The following ADGRA3 variants were observed in gnomAD, a reference collection of about 807,000 sequenced individuals.
ADGRA3 encodes G-protein coupled receptor 125.
Under a neutral mutation model 119.8 loss-of-function variants are expected in ADGRA3, and 56 were observed. That is an observed-to-expected ratio of 0.47 (90% CI 0.38 to 0.58). The LOEUF is 0.58. Ranked by LOEUF, ADGRA3 falls within the 20% of genes least tolerant of loss-of-function variation. The probability of loss-of-function intolerance (pLI) is 0.00; values close to 1 mark genes in which losing one functional copy is unlikely to be tolerated. For missense variants in ADGRA3, 1,516 were observed against 1,649.0 expected (o/e 0.92, Z 1.40); for synonymous variants, 607 against 623.8 (o/e 0.97, Z 0.40).
chr4:22,449,846 C>CA (rs35006609), intron 4 of ADGRA3, among the ~76,000 whole-genome samples: 14,161 of 117,502 alleles, frequency 0.12, 810 homozygotes, highest in East Asian at 0.21. Context: ...AACTCTGTCT[C>CA]AAAAAAAAAA....
intron 16 of ADGRA3, among the ~76,000 whole-genome samples, chr4:22,400,083 C>T (rs145535179): frequency 1.6e-4 from 25 of 152,296 alleles, no homozygotes; most frequent in African/African-American, 5.0e-4. Flanking sequence ...TTTCTGCACA[C>T]TAGCAGTTCG....
At chr4:22,515,003 G>A (rs1211869999) in intron 1 of ADGRA3, among the ~76,000 whole-genome samples, 2 of 152,154 alleles carry the variant, frequency 1.3e-5, no homozygotes, top group African/African-American at 4.8e-5. Flanking sequence ...TATCTTAAAA[G>A]GTGCTCTTTA....
chr4:22,439,970 T>C (rs1366761903), intron 7 of ADGRA3, among the ~76,000 whole-genome samples: 1 of 152,164 alleles, frequency 6.6e-6, no homozygotes, highest in Non-Finnish European at 1.5e-5. Context: ...ACACATAAAT[T>C]TGAAATAAAA....
chr4:22,479,997 G>C (rs547065840), intron 1 of ADGRA3, among the ~76,000 whole-genome samples: 2 of 152,218 alleles, frequency 1.3e-5, no homozygotes, highest in South Asian at 4.2e-4. Context: ...GCCTGTCACG[G>C]GGTGGAGGGC....
At chr4:22,437,884 G>A (rs1716457505) in intron 8 of ADGRA3, among the ~76,000 whole-genome samples, 1 of 151,912 alleles carries the variant, frequency 6.6e-6, no homozygotes, top group Non-Finnish European at 1.5e-5. Context: ...ACCTTCCAAG[G>A]TTCATCTATA....
At position 22,413,334 on chromosome 4, in the gene ADGRA3, C is replaced by T. The variant is rs754785204; in HGVS notation, c.2080G>A (p.Ala694Thr). 2 of 1,614,068 alleles carry T rather than the reference C, an allele frequency of 1.2e-6. No homozygotes were observed. Among genetic ancestry groups the T allele is most frequent in the South Asian group, 2.2e-5 (2 of 91,088 alleles). ...IPVNVTLRRI[A>T]HGADAVAARW... Reference sequence around the variant, plus strand: ...GCTGCAACAGCATCTGCTCCATGTGCAATTCGACGCAGTGTCACATTAACA... The same window carrying T: ...GCTGCAACAGCATCTGCTCCATGTGTAATTCGACGCAGTGTCACATTAACA... The change falls in exon 14 of 19, where the codon GCA (alanine) becomes ACA (threonine). Residue 694 changes from alanine (A) to threonine (T), a missense_variant. Ala to Thr is a moderately conservative substitution (Grantham distance 58). Around this residue, in one of 2 missense-constraint regions of ADGRA3, gnomAD observed 1,088 missense variants for 1,107.1 expected, o/e 0.98. Coordinates refer to ENST00000334304, the MANE Select transcript of ADGRA3 (RefSeq NM_145290.4).
At chr4:22,447,390 A>G (rs780516578) in intron 5 of ADGRA3, 50 bp downstream of exon 5, 1 of 1,115,424 alleles carries the variant, frequency 9.0e-7, no homozygotes, top group Non-Finnish European at 1.3e-6. Flanking sequence ...TTAATTTTCA[A>G]AAAGACATGA....
chr4:22,466,850 C>T (rs1717677101), intron 2 of ADGRA3, among the ~76,000 whole-genome samples: 1 of 152,178 alleles, frequency 6.6e-6, no homozygotes, highest in East Asian at 1.9e-4. Context: ...GGCTCTGCTC[C>T]ACTCAGCGAG....
At chr4:22,463,130 G>A (rs1298539445) in intron 2 of ADGRA3, among the ~76,000 whole-genome samples, 9 of 152,308 alleles carry the variant, frequency 5.9e-5, no homozygotes, top group Admixed American at 3.9e-4. Flanking sequence ...GAACTGAAAC[G>A]CTTTTCAGTT....
chr4:22,473,922 C>T (rs1434670647), intron 1 of ADGRA3, 79 bp from the exon 2 acceptor site: 2 of 829,008 alleles, frequency 2.4e-6, no homozygotes, highest in South Asian at 2.1e-5. Context: ...TATGTTTAAA[C>T]CTATGAGAAA....
intron 1 of ADGRA3, among the ~76,000 whole-genome samples, chr4:22,506,456 G>A (rs932809236): frequency 2.0e-5 from 3 of 152,098 alleles, no homozygotes; most frequent in Admixed American, 1.3e-4. Flanking sequence ...GGGAAGCTGA[G>A]GCACAAGAAT....
At chr4:22,488,140 C>G (rs990760487) in intron 1 of ADGRA3, among the ~76,000 whole-genome samples, 32 of 152,104 alleles carry the variant, frequency 2.1e-4, no homozygotes, top group African/African-American at 7.7e-4. Flanking sequence ...CTGTAAACTG[C>G]TTTTATAAAC....
chr4:22,435,160 A>C (rs1340842790), intron 10 of ADGRA3, 151 bp downstream of exon 10: 1 of 654,796 alleles, frequency 1.5e-6, no homozygotes, highest in Non-Finnish European at 2.6e-6. Context: ...GAGAAGAGGC[A>C]GAAGTATCTC....
chr4:22,447,405 C>CAA (rs201205176), intron 5 of ADGRA3, 35 bp downstream of exon 5: 87 of 999,796 alleles, frequency 8.7e-5, no homozygotes, highest in African/African-American at 4.2e-4. Context: ...ACATGAAAAT[C>CAA]AAAAAAAAAA....
chr4:22,421,871 A>C (rs1715702485), intron 11 of ADGRA3, among the ~76,000 whole-genome samples: 1 of 122,054 alleles, frequency 8.2e-6, no homozygotes, highest in Non-Finnish European at 1.7e-5. Context: ...ACAGAGCAAG[A>C]CTCAGTCTCC....
chr4:22,496,492 C>T (rs1350597740), intron 1 of ADGRA3, among the ~76,000 whole-genome samples: 2 of 152,188 alleles, frequency 1.3e-5, no homozygotes, highest in Non-Finnish European at 2.9e-5. Flanking sequence ...TACTAATTTA[C>T]ATCAGTTCTT....
At chr4:22,425,042 T>G (rs1715874612) in intron 10 of ADGRA3, among the ~76,000 whole-genome samples, 1 of 148,918 alleles carries the variant, frequency 6.7e-6, no homozygotes, top group South Asian at 2.1e-4. Flanking sequence ...GCCACTGCAC[T>G]CTAGCCTGGA....
chr4:22,427,571 T>A (rs1715994424), intron 10 of ADGRA3, among the ~76,000 whole-genome samples: 1 of 152,268 alleles, frequency 6.6e-6, no homozygotes, highest in East Asian at 1.9e-4. Context: ...TGGCTAAGAA[T>A]GGAGGAAAGG....
At chr4:22,486,158 T>G (rs1405623340) in intron 1 of ADGRA3, among the ~76,000 whole-genome samples, 2 of 152,244 alleles carry the variant, frequency 1.3e-5, no homozygotes, top group Non-Finnish European at 2.9e-5. Context: ...CTGGAGCAAC[T>G]TTCTCATTTT....
Sources: allele counts gnomAD v4.1 joint callset (sites outside exome capture counted in the v4.1 genomes callset), GRCh38; gene constraint gnomAD v4.1.1; regional missense constraint gnomAD v4.1.1; transcripts MANE v1.5; gene names NCBI Gene and HGNC (gene_info 2026-07-23, HGNC 2026-07-21).